HMGCLL1: variants seen among roughly 807,000 people sequenced by gnomAD.
HMGCLL1 encodes 3-hydroxymethyl-3-methylglutaryl-CoA lyase, cytoplasmic.
Under a neutral mutation model 39.1 loss-of-function variants are expected in HMGCLL1, and 36 were observed. That is an observed-to-expected ratio of 0.92 (90% confidence interval 0.71 to 1.22). The LOEUF is 1.22. Ranked by LOEUF, HMGCLL1 falls within the 50% of genes most tolerant of loss-of-function variation. The pLI, the probability that HMGCLL1 is intolerant of heterozygous loss-of-function variation, is 0.00. For synonymous variants in HMGCLL1, 149 were observed against 144.0 expected (o/e 1.03, Z -0.25); for missense variants, 451 against 416.5 (o/e 1.08, Z -0.72).
At chr6:55,526,694 TGA>T (rs915155810) in intron 3 of HMGCLL1, among the ~76,000 whole-genome samples, 1 of 152,090 alleles carries the variant, frequency 6.6e-6, no homozygotes, top group African/African-American at 2.4e-5. Flanking sequence ...TACTTTATGC[TGA>T]GTTACATGTT....
At chr6:55,518,601 T>G (rs1190726466) in intron 3 of HMGCLL1, among the ~76,000 whole-genome samples, 1 of 152,296 alleles carries the variant, frequency 6.6e-6, no homozygotes, top group Admixed American at 6.5e-5. Flanking sequence ...TATGGCTTTC[T>G]CTTTTGGGGA....
At chr6:55,490,402 CA>C (rs1207932432) in intron 7 of HMGCLL1, among the ~76,000 whole-genome samples, 4 of 152,054 alleles carry the variant, frequency 2.6e-5, no homozygotes, top group Non-Finnish European at 5.9e-5. Context: ...AATCAACAAA[CA>C]AAAAACCCTT....
At chr6:55,647,832 A>G in the HMGCLL1 span, among the ~76,000 whole-genome samples, 1 of 116,226 alleles carries the variant, frequency 8.6e-6, no homozygotes, top group South Asian at 2.8e-4. Context: ...GGTTAGTTAC[A>G]TATGTATACA....
the HMGCLL1 span, among the ~76,000 whole-genome samples, chr6:55,648,413 C>T: frequency 2.7e-5 from 3 of 110,092 alleles, no homozygotes; most frequent in South Asian, 3.2e-4. Context: ...TTCAAAAAAT[C>T]AATGAATCCA....
chr6:55,483,878 A>G (rs1765869455), intron 7 of HMGCLL1, among the ~76,000 whole-genome samples: 1 of 152,224 alleles, frequency 6.6e-6, no homozygotes, highest in Non-Finnish European at 1.5e-5. Flanking sequence ...TATTAATATC[A>G]GCTATTGTTA....
the HMGCLL1 span, among the ~76,000 whole-genome samples, chr6:55,657,925 A>AG: frequency 6.6e-6 from 1 of 151,850 alleles, no homozygotes; most frequent in Non-Finnish European, 1.5e-5. Flanking sequence ...AGGTGGAAGG[A>AG]GGGGGGAGGA....
At chr6:55,651,018 C>G in the HMGCLL1 span, among the ~76,000 whole-genome samples, 1 of 152,058 alleles carries the variant, frequency 6.6e-6, no homozygotes, top group Non-Finnish European at 1.5e-5. Flanking sequence ...TAAGAGCCTG[C>G]TTGTTGGTCT....
chr6:55,639,755 A>C, the HMGCLL1 span, among the ~76,000 whole-genome samples: 819 of 152,180 alleles, frequency 5.4e-3, 8 homozygotes, highest in Middle Eastern at 0.01. Context: ...GATAATGACA[A>C]TGAAAATTAT....
the HMGCLL1 span, among the ~76,000 whole-genome samples, chr6:55,588,140 C>T: frequency 6.6e-6 from 1 of 152,090 alleles, no homozygotes. Flanking sequence ...CCAAAATTGA[C>T]CACATAGTTG....
At chr6:55,631,093 A>G in the HMGCLL1 span, among the ~76,000 whole-genome samples, 597 of 152,130 alleles carry the variant, frequency 3.9e-3, 2 homozygotes, top group Non-Finnish European at 6.9e-3. Context: ...TGAATCATTA[A>G]TACCTCTCTC....
At chr6:55,613,588 A>T in the HMGCLL1 span, among the ~76,000 whole-genome samples, 1 of 151,872 alleles carries the variant, frequency 6.6e-6, no homozygotes. Flanking sequence ...ATGGAATATT[A>T]TGCAGCCATA....
At chr6:55,577,180 AG>A in intron 1 of HMGCLL1, 2 of 1,564,342 alleles carry the variant, frequency 1.3e-6, no homozygotes, top group Non-Finnish European at 8.7e-7. Flanking sequence ...AGGAAGATAA[AG>A]TTCAAAAAGC....
chr6:55,549,434 T>A (rs1350925007), intron 1 of HMGCLL1, among the ~76,000 whole-genome samples: 7 of 151,268 alleles, frequency 4.6e-5, no homozygotes, highest in Admixed American at 1.3e-4. Context: ...AAGCTTAATT[T>A]TCTGGGATAA....
At chr6:55,545,635 T>G (rs1036210823) in intron 1 of HMGCLL1, among the ~76,000 whole-genome samples, 2 of 152,184 alleles carry the variant, frequency 1.3e-5, no homozygotes, top group Admixed American at 1.3e-4. Flanking sequence ...AAGTGTAAGA[T>G]AGAAGGTAAG....
Position 55,541,734 on chromosome 6 carries a change from G to A in HMGCLL1, c.292C>T (p.Pro98Ser). The A allele has an allele frequency of 6.4e-7, 1 of 1,557,630 alleles. No individual in the cohort carries two copies. Among genetic ancestry groups the A allele is most frequent in the Middle Eastern group, 1.7e-4 (1 of 5,852 alleles). Residue 98 changes from proline to serine, a missense_variant, in exon 3 of 9, where the codon CCA becomes TCA. Physicochemically the swap from Pro to Ser is moderately conservative, Grantham distance 74. Coordinates refer to ENST00000274901, the MANE Select transcript of HMGCLL1 (RefSeq NM_001042406.2). ...VTSFVSSRWV[P>S]QMADHTEVMK... ...GAAATTGTGGGTTTACATACCTGTG[G>A]TACCCATCTGGAAGACACAAAGCTA...
At chr6:55,540,637 A>T (rs932511042) in intron 3 of HMGCLL1, among the ~76,000 whole-genome samples, 3 of 152,190 alleles carry the variant, frequency 2.0e-5, no homozygotes, top group African/African-American at 7.2e-5. Context: ...CTATTCTGTT[A>T]TAGTATCCCT....
At chr6:55,598,528 T>C in the HMGCLL1 span, among the ~76,000 whole-genome samples, 65 of 152,318 alleles carry the variant, frequency 4.3e-4, no homozygotes, top group East Asian at 0.012. Flanking sequence ...GCTGAAAGCA[T>C]TGAAACCATG....
chr6:55,665,269 G>C, the HMGCLL1 span, among the ~76,000 whole-genome samples: 1 of 151,662 alleles, frequency 6.6e-6, no homozygotes, highest in Admixed American at 6.6e-5. Context: ...AGGCAGACAA[G>C]TGTATTTTAA....
intron 3 of HMGCLL1, among the ~76,000 whole-genome samples, chr6:55,527,435 G>T (rs76465680): frequency 6.6e-6 from 1 of 152,114 alleles, no homozygotes; most frequent in East Asian, 1.9e-4. Flanking sequence ...TTGGCTTGAA[G>T]GGGGCCAAAT....
Sources: allele counts gnomAD v4.1 joint callset (sites outside exome capture counted in the v4.1 genomes callset), GRCh38; gene constraint gnomAD v4.1.1; transcripts MANE v1.5; gene names NCBI Gene and HGNC (gene_info 2026-07-23, HGNC 2026-07-21).